Variants in TRIP12 observed in about 807,000 individuals in gnomAD.
TRIP12 encodes the protein thyroid hormone receptor interactor 12.
A neutral mutation model predicts 244.2 loss-of-function variants in TRIP12; 25 were observed. That is an observed-to-expected ratio of 0.10 (90% CI 0.07 to 0.14). TRIP12 has a LOEUF of 0.14. Among genes scored for constraint, TRIP12 ranks in the 10% least tolerant of loss-of-function variants. The pLI is 1.00. For synonymous variants in TRIP12, 905 were observed against 873.1 expected, an observed-to-expected ratio of 1.04 and a Z score of -0.64; for missense variants, 1,677 against 2,486.4, an observed-to-expected ratio of 0.67 and a Z score of 6.92.
chr2:229,830,924 C>G, intron 6 of TRIP12, 85 bp from the exon 7 acceptor site: 1 of 1,203,874 alleles, frequency 8.3e-7, no homozygotes, highest in Non-Finnish European at 1.2e-6. Context: ...CAAAGTTTTG[C>G]GGACTACAAT....
At chr2:229,814,684 G>A (rs1050421784) in intron 11 of TRIP12, among the ~76,000 whole-genome samples, 6 of 152,086 alleles carry the variant, frequency 3.9e-5, no homozygotes, top group South Asian at 2.1e-4. Flanking sequence ...AAATTTTGTT[G>A]TGCGTTAAAC....
intron 38 of TRIP12, 114 bp from the exon 39 acceptor site, chr2:229,771,746 A>C: frequency 1.5e-6 from 1 of 677,646 alleles, no homozygotes. Flanking sequence ...AAGAACAAAC[A>C]AGTTATTAAG....
chr2:229,878,946 T>A (rs1012950225), intron 2 of TRIP12, among the ~76,000 whole-genome samples: 2 of 151,880 alleles, frequency 1.3e-5, no homozygotes, highest in Non-Finnish European at 2.9e-5. Flanking sequence ...AACTGCTGTA[T>A]GAGATAATCC....
intron 37 of TRIP12, among the ~76,000 whole-genome samples, chr2:229,775,868 A>G (rs1310830050): frequency 6.6e-6 from 1 of 151,934 alleles, no homozygotes; most frequent in African/African-American, 2.4e-5. Flanking sequence ...GGTTATTATA[A>G]TAAGTCAATT....
At chr2:229,883,355 T>C (rs1010553985) in intron 1 of TRIP12, among the ~76,000 whole-genome samples, 3 of 152,244 alleles carry the variant, frequency 2.0e-5, no homozygotes, top group Non-Finnish European at 4.4e-5. Flanking sequence ...TTATAGAATA[T>C]TCTGTACTGA....
At chr2:229,845,877 AT>A (rs1278392370) in intron 4 of TRIP12, among the ~76,000 whole-genome samples, 1 of 145,730 alleles carries the variant, frequency 6.9e-6, no homozygotes, top group Non-Finnish European at 1.5e-5. Context: ...AAAAAAAAAA[AT>A]TAGCTGGGTG....
At chr2:229,807,985 A>G (rs935829003) in intron 16 of TRIP12, 121 bp from the exon 17 acceptor site, 2 of 1,073,288 alleles carry the variant, frequency 1.9e-6, no homozygotes, top group African/African-American at 3.2e-5. Context: ...TTTTTTTTGG[A>G]GACAGAGTCT....
chr2:229,807,676 G>C, intron 17 of TRIP12, 32 bp downstream of exon 17: 1 of 1,613,730 alleles, frequency 6.2e-7, no homozygotes, highest in East Asian at 2.2e-5. Context: ...CAACAAAATA[G>C]ACACATTTAA....
Position 229,912,372 on chromosome 2 carries a change from T to C in TRIP12, c.-50+9508A>G, listed in dbSNP as rs569208601. ...TTGTACACCTTTTTCACATCACCTA[T>C]TCAGGGATCAACAATCATTCAACAT... On this transcript the variant is annotated intron_variant, in intron 1 of 41. Coordinates refer to ENST00000675903, the MANE Select transcript of TRIP12 (RefSeq NM_001348323.3). 3.3e-5 allele frequency among the ~76,000 whole-genome samples: 5 copies of C among 152,340 alleles called. No individual in the cohort carries two copies. The East Asian group carries it at 9.6e-4, about 29-fold the overall frequency.
intron 2 of TRIP12, among the ~76,000 whole-genome samples, chr2:229,878,144 T>C (rs992547806): frequency 2.0e-5 from 3 of 152,164 alleles, no homozygotes; most frequent in Non-Finnish European, 4.4e-5. Flanking sequence ...AGCTATTTAA[T>C]GGCAGAGGCA....
At chr2:229,793,703 G>A (rs1039897333) in intron 26 of TRIP12, among the ~76,000 whole-genome samples, 3 of 152,174 alleles carry the variant, frequency 2.0e-5, no homozygotes, top group Non-Finnish European at 2.9e-5. Flanking sequence ...GCTCTGGCAG[G>A]AGTCAGATAC....
intron 38 of TRIP12, 53 bp downstream of exon 38, chr2:229,774,044 C>G: frequency 6.4e-7 from 1 of 1,573,272 alleles, no homozygotes; most frequent in South Asian, 1.2e-5. Context: ...TACAATCAGG[C>G]AAAGTCCTCC....
At chr2:229,826,620 G>C (rs988304086) in intron 8 of TRIP12, among the ~76,000 whole-genome samples, 15 of 152,126 alleles carry the variant, frequency 9.9e-5, no homozygotes, top group African/African-American at 3.1e-4. Flanking sequence ...AAACATCATA[G>C]AGTATACCTA....
intron 37 of TRIP12, among the ~76,000 whole-genome samples, chr2:229,775,698 T>G (rs2036019864): frequency 6.6e-6 from 1 of 151,272 alleles, no homozygotes; most frequent in Non-Finnish European, 1.5e-5. Flanking sequence ...TCTAGGACAT[T>G]GTAAATTCTA....
chr2:229,860,217 A>G (rs2060236723), intron 3 of TRIP12, among the ~76,000 whole-genome samples, 189 bp downstream of exon 3: 1 of 152,202 alleles, frequency 6.6e-6, no homozygotes, highest in East Asian at 1.9e-4. Flanking sequence ...ATCATTGACA[A>G]ACTCACTGTC....
Position 229,791,991 on chromosome 2 carries a change from A to G in TRIP12, c.4290T>C (p.Tyr1430=). 2 of 1,614,150 alleles carry G rather than the reference A, an allele frequency of 1.2e-6. No homozygotes were observed. Among genetic ancestry groups the G allele is most frequent in the South Asian group, 1.1e-5 (1 of 91,082 alleles). ...GTACTGCCTGATACACAGTCATGTT[A>G]TACGGCAGCAAATGTTCTCCAATAT... is the stretch of plus-strand genomic sequence containing the variant. ...QFYIGEHLLP[Y]NMTVYQAVRQ... is the part of the protein sequence containing the mutation. The change falls in exon 29 of 42, where the codon TAT becomes TAC. Residue 1430 remains tyrosine (Y), a synonymous_variant. Coordinates refer to ENST00000675903, the MANE Select transcript of TRIP12 (RefSeq NM_001348323.3).
rs779383100 is a variant in TRIP12, at chr2:229,811,132, T to C, written c.2055+4A>G. 2 of 1,614,002 alleles carry C rather than the reference T, an allele frequency of 1.2e-6. No homozygotes were observed. Among genetic ancestry groups the C allele is most frequent in the Non-Finnish European group, 1.7e-6 (2 of 1,179,968 alleles). ...AAAAATACTACCAAAGACTAAACAC[T>C]TACCTCCTCATGCTGGAAGTTGTCC... is the stretch of plus-strand genomic sequence containing the variant. On this transcript the variant is annotated splice_donor_region_variant and intron_variant, in intron 14 of 41. Coordinates refer to ENST00000675903, the MANE Select transcript of TRIP12 (RefSeq NM_001348323.3).
chr2:229,873,574 T>G (rs1303965330), intron 2 of TRIP12, among the ~76,000 whole-genome samples: 1 of 152,170 alleles, frequency 6.6e-6, no homozygotes, highest in Non-Finnish European at 1.5e-5. Flanking sequence ...TCTGCCAAAG[T>G]GTACAGATAA....
Position 229,767,418 on chromosome 2 carries a change from CTT to C in TRIP12, c.*134_*135del, listed in dbSNP as rs1400002368. 1.9e-6 allele frequency: 2 copies of C among 1,058,120 alleles called. No individual in the cohort carries two copies. Among genetic ancestry groups the C allele is most frequent in the East Asian group, 5.3e-5 (2 of 37,692 alleles). The allele number at this position is 1,058,120 out of a possible 1,614,324, so 65.5% of individuals were successfully genotyped here. A position where few individuals can be genotyped will look rare whatever the true frequency, so the allele number is the denominator to read the frequency against. On this transcript the variant is annotated 3_prime_UTR_variant, in exon 42 of 42. Transcript: ENST00000675903. ...ATTAATGAATATCAACCAAATGTCT[CTT>C]TATAATCTGCAAGCCGTTTTTCCTA... is the stretch of plus-strand genomic sequence containing the variant.
Sources: gnomAD v4.1 joint callset for allele counts (sites outside exome capture counted in the v4.1 genomes callset) on GRCh38, gnomAD v4.1.1 for gene constraint, MANE v1.5 for transcripts, NCBI Gene and HGNC (gene_info 2026-07-23, HGNC 2026-07-21) for gene names.